The following GATAD1 variants were observed in gnomAD, a reference collection of about 807,000 sequenced individuals.
The protein encoded by GATAD1 is GATA zinc finger domain containing 1, also known as GATA zinc finger domain-containing protein 1.
A neutral mutation model predicts 26.5 loss-of-function variants in GATAD1; 12 were observed. The ratio of observed to expected loss-of-function variants is 0.45; its 90% CI spans 0.29 to 0.73. GATAD1 has a LOEUF of 0.73. GATAD1 is among the 30% of genes least tolerant of loss of function. The pLI is 0.10. For synonymous variants in GATAD1, 129 were observed against 133.1 expected (o/e 0.97, Z 0.21); for missense variants, 266 against 342.1 (o/e 0.78, Z 1.75).
At chr7:92,469,312 T>C in the GATAD1 span, 1 of 764,636 alleles carries the variant, frequency 1.3e-6, no homozygotes, top group African/African-American at 1.7e-5. Context: ...CCGTTCCATG[T>C]CCCCATTTAG....
chr7:92,485,230 A>C, the GATAD1 span, among the ~76,000 whole-genome samples: 1 of 152,224 alleles, frequency 6.6e-6, no homozygotes, highest in South Asian at 2.1e-4. Context: ...GTATACGTGC[A>C]GGTCACAGGG....
chr7:92,490,564 G>T, the GATAD1 span, among the ~76,000 whole-genome samples: 1 of 147,884 alleles, frequency 6.8e-6, no homozygotes, highest in Non-Finnish European at 1.5e-5. Flanking sequence ...AAGCCCAGGA[G>T]GTCAAGGCTG....
intron 3 of GATAD1, 65 bp from the exon 4 acceptor site, chr7:92,454,437 G>A (rs1789578394): frequency 8.1e-7 from 1 of 1,239,676 alleles, no homozygotes; most frequent in Middle Eastern, 1.9e-4. Flanking sequence ...ACCTATTAAG[G>A]TTCATTCATA....
chr7:92,465,846 C>G, the GATAD1 span, among the ~76,000 whole-genome samples: 1 of 151,828 alleles, frequency 6.6e-6, no homozygotes, highest in Admixed American at 6.6e-5. Flanking sequence ...ACTAAAAATA[C>G]AAAAATTAGC....
At chr7:92,450,673 T>G (rs1789388399) in intron 2 of GATAD1, 28 bp from the exon 3 acceptor site, 1 of 1,522,674 alleles carries the variant, frequency 6.6e-7, no homozygotes, top group Non-Finnish European at 9.1e-7. Flanking sequence ...ATACTATGAA[T>G]GTGCTAATGT....
the GATAD1 span, chr7:92,491,567 T>C: frequency 1.1e-6 from 1 of 928,074 alleles, no homozygotes. Flanking sequence ...AAATAAATAA[T>C]AACATAGATA....
In GATAD1 at chr7:92,447,802, C is replaced by G; in HGVS notation, c.73C>G (p.Gln25Glu). Residue 25 changes from glutamine (Q) to glutamate (E), a missense_variant, in exon 1 of 5, where the codon CAG (glutamine) becomes GAG (glutamate). Gln to Glu is a conservative substitution (Grantham distance 29). Coordinates refer to ENST00000287957, the MANE Select transcript of GATAD1 (RefSeq NM_021167.5). The stretch of plus-strand genomic sequence containing the variant: ...GTCCTCCATGTGGAAGAAGGGAGCG[C>G]AGGGGGAGATCCTCTGCCATCATTG... ...TSSSMWKKGAQGEILCHHCTG... is the reference protein window; with the variant it reads ...TSSSMWKKGAEGEILCHHCTG... 1 of 1,493,862 alleles carries G rather than the reference C, an allele frequency of 6.7e-7. No individual in the cohort carries two copies. Among genetic ancestry groups the G allele is most frequent in the South Asian group, 1.3e-5 (1 of 79,198 alleles). 92.5% of individuals were successfully genotyped at this position (1,493,862 alleles called of 1,614,324 possible).
chr7:92,459,735 T>G lies in GATAD1; in HGVS notation c.*3173T>G, dbSNP rs1789848192. Reference sequence around the variant, plus strand: ...CTTCCATCATCCTCACTCCTATCCCTTTGGTCCTGGGATGACAGGGATGCT... The same window carrying G: ...CTTCCATCATCCTCACTCCTATCCCGTTGGTCCTGGGATGACAGGGATGCT... On this transcript the variant is annotated 3_prime_UTR_variant, in exon 5 of 5. Coordinates refer to ENST00000287957, the MANE Select transcript of GATAD1 (RefSeq NM_021167.5). 6.6e-6 allele frequency among the ~76,000 whole-genome samples: 1 copy of G among 152,210 alleles called. No individual in the cohort carries two copies. Among genetic ancestry groups the G allele is most frequent in the East Asian group, 1.9e-4 (1 of 5,202 alleles).
intron 1 of GATAD1, 92 bp from the exon 2 acceptor site, chr7:92,448,660 T>C: frequency 1.0e-6 from 1 of 968,996 alleles, no homozygotes; most frequent in African/African-American, 1.6e-5. Context: ...ATAAAGTACA[T>C]ACTCTGGGAT....
At chr7:92,495,195 CTTTG>C in the GATAD1 span, among the ~76,000 whole-genome samples, 1 of 151,928 alleles carries the variant, frequency 6.6e-6, no homozygotes, top group East Asian at 1.9e-4. Flanking sequence ...TGAACTTTGA[CTTTG>C]TTTTATTAAT....
chr7:92,491,081 G>A, the GATAD1 span, among the ~76,000 whole-genome samples: 2 of 152,136 alleles, frequency 1.3e-5, no homozygotes, highest in East Asian at 3.8e-4. Context: ...CTTGCTCCCA[G>A]CCCTGTCTTG....
At chr7:92,487,552 A>G in the GATAD1 span, 9 of 1,369,042 alleles carry the variant, frequency 6.6e-6, 1 homozygote, top group Admixed American at 1.4e-4. Flanking sequence ...CTGAAAAAAG[A>G]AAGAGATAAT....
At chr7:92,489,955 G>T in the GATAD1 span, 2 of 1,472,426 alleles carry the variant, frequency 1.4e-6, no homozygotes, top group Non-Finnish European at 9.5e-7. Context: ...GGAAGAGGGG[G>T]AGAGAAAAAA....
At chr7:92,449,494 T>G (rs886397020) in intron 2 of GATAD1, 1 of 976,460 alleles carries the variant, frequency 1.0e-6, no homozygotes, top group Admixed American at 6.2e-5. Flanking sequence ...CAAGGGATAA[T>G]GTTCAAACAC....
chr7:92,491,320 A>G, the GATAD1 span: 3 of 1,614,068 alleles, frequency 1.9e-6, no homozygotes, highest in Non-Finnish European at 2.5e-6. Context: ...AAGAGCTTCC[A>G]AAGTAGAGCC....
At chr7:92,469,642 G>T in the GATAD1 span, 430 of 764,540 alleles carry the variant, frequency 5.6e-4, 1 homozygote, top group Non-Finnish European at 8.4e-4. Context: ...TTGGGAGTTG[G>T]TTGTGTATGT....
chr7:92,493,146 T>G, the GATAD1 span: 2 of 1,418,670 alleles, frequency 1.4e-6, no homozygotes, highest in Non-Finnish European at 2.0e-6. Flanking sequence ...GGAGAAAAAT[T>G]TATTTAACAA....
At chr7:92,469,228 G>C in the GATAD1 span, 1 of 762,340 alleles carries the variant, frequency 1.3e-6, no homozygotes, top group African/African-American at 1.7e-5. Context: ...CAAGTCTAAA[G>C]CTCTTCGATT....
At chr7:92,460,209 G>A (rs561902291), downstream of GATAD1, among the ~76,000 whole-genome samples, 16 of 152,296 alleles carry the variant, frequency 1.1e-4, no homozygotes, top group South Asian at 3.3e-3. Context: ...ACATGCATGT[G>A]TGTTGTGTCT....
Sources: allele counts gnomAD v4.1 joint callset (sites outside exome capture counted in the v4.1 genomes callset), GRCh38; gene constraint gnomAD v4.1.1; transcripts MANE v1.5; gene names NCBI Gene and HGNC (gene_info 2026-07-23, HGNC 2026-07-21).